SNTG2: variants seen among roughly 807,000 people sequenced by gnomAD.
SNTG2 encodes the protein syntrophin gamma 2.
Under a neutral mutation model 70.9 loss-of-function variants are expected in SNTG2, and 74 were observed. The ratio of observed to expected loss-of-function variants is 1.04; its 90% CI spans 0.86 to 1.27. The LOEUF (loss-of-function observed/expected upper bound fraction) is 1.27. Ranked by LOEUF, SNTG2 falls within the 50% of genes most tolerant of loss-of-function variation. The pLI is 0.00. For missense variants in SNTG2, 717 were observed against 690.7 expected, an observed-to-expected ratio of 1.04 and a Z score of -0.43; for synonymous variants, 278 against 273.8, an observed-to-expected ratio of 1.02 and a Z score of -0.15.
intron 1 of SNTG2, among the ~76,000 whole-genome samples, chr2:1,031,528 A>ATATATATATTTTTTTTTTTTTT: frequency 1.4e-4 from 8 of 59,118 alleles, no homozygotes; most frequent in Non-Finnish European, 2.2e-4. Flanking sequence ...ATATATATAT[A>ATATATATATTTTTTTTTTTTTT]TTTTTTTTTT....
intron 4 of SNTG2, among the ~76,000 whole-genome samples, chr2:1,131,534 T>G (rs939748660): frequency 6.6e-6 from 1 of 152,208 alleles, no homozygotes; most frequent in African/African-American, 2.4e-5. Context: ...TGGGACACAC[T>G]ATTCATTTCC....
chr2:1,312,086 A>G lies in SNTG2; in HGVS notation c.1377+3500A>G, dbSNP rs931166336. Among the ~76,000 whole-genome samples, 3 of 152,120 alleles carry G rather than the reference A, an allele frequency of 2.0e-5. 1 individual carries two copies. Among genetic ancestry groups the G allele is most frequent in the Admixed American group, 1.3e-4 (2 of 15,282 alleles). ...TGAATCCATTCACCATCAACTATCT[A>G]TTTTCAATGTTGAGAAAGGAGGTAA... On this transcript the variant is annotated intron_variant, in intron 15 of 16. Coordinates refer to ENST00000308624, the MANE Select transcript of SNTG2 (RefSeq NM_018968.4).
chr2:1,134,672 TC>T (rs1335592627), intron 4 of SNTG2, among the ~76,000 whole-genome samples: 1 of 152,154 alleles, frequency 6.6e-6, no homozygotes, highest in Non-Finnish European at 1.5e-5. Context: ...ACCCAGTGGA[TC>T]CCCCACCGGG....
intron 12 of SNTG2, among the ~76,000 whole-genome samples, chr2:1,250,363 C>A (rs10171436): frequency 0.33 from 49,909 of 151,976 alleles, 9,699 homozygotes; most frequent in African/African-American, 0.55. Context: ...CTCCCTCCAT[C>A]TCTCTCCCTG....
At chr2:1,175,790 G>A (rs973007995) in intron 8 of SNTG2, among the ~76,000 whole-genome samples, 1 of 152,164 alleles carries the variant, frequency 6.6e-6, no homozygotes, top group Non-Finnish European at 1.5e-5. Flanking sequence ...CTTGTTGAGT[G>A]GACTCTAAAC....
At chr2:958,148 C>G (rs1660234163) in intron 1 of SNTG2, among the ~76,000 whole-genome samples, 1 of 152,056 alleles carries the variant, frequency 6.6e-6, no homozygotes, top group African/African-American at 2.4e-5. Context: ...GAGGTGTGGT[C>G]CGCATGGTGG....
intron 14 of SNTG2, among the ~76,000 whole-genome samples, chr2:1,293,332 G>GT (rs1680067524): frequency 6.6e-6 from 1 of 151,494 alleles, no homozygotes; most frequent in South Asian, 2.1e-4. Flanking sequence ...TTTCTATATT[G>GT]TTTTTCTATT....
chr2:1,272,238 C>T (rs1226887019), intron 14 of SNTG2, among the ~76,000 whole-genome samples: 1 of 151,580 alleles, frequency 6.6e-6, no homozygotes, highest in Non-Finnish European at 1.5e-5. Context: ...CTAGACGGTC[C>T]CATCTGGGGG....
chr2:1,224,185 C>T (rs1363271905), intron 9 of SNTG2, among the ~76,000 whole-genome samples: 1 of 152,184 alleles, frequency 6.6e-6, no homozygotes, highest in East Asian at 1.9e-4. Context: ...ACACGACTGC[C>T]TCGGGGGCTA....
intron 6 of SNTG2, among the ~76,000 whole-genome samples, chr2:1,155,169 A>ACCC (rs139002182): frequency 1.7e-4 from 1 of 5,772 alleles, no homozygotes; most frequent in African/African-American, 3.3e-4. Flanking sequence ...ACACACGTAG[A>ACCC]CCCCCCCCCC....
intron 1 of SNTG2, among the ~76,000 whole-genome samples, chr2:1,044,524 G>C (rs1661617739): frequency 6.6e-6 from 1 of 152,116 alleles, no homozygotes; most frequent in Non-Finnish European, 1.5e-5. Context: ...TTGGCTGTGG[G>C]TTTGTCATAG....
At chr2:1,285,003 A>C (rs1373862354) in intron 14 of SNTG2, among the ~76,000 whole-genome samples, 1 of 151,882 alleles carries the variant, frequency 6.6e-6, no homozygotes, top group African/African-American at 2.4e-5. Flanking sequence ...GAGTTTATTA[A>C]CTCACACGAT....
At chr2:1,241,107 C>G (rs1477688948) in intron 11 of SNTG2, among the ~76,000 whole-genome samples, 1 of 152,200 alleles carries the variant, frequency 6.6e-6, no homozygotes, top group Admixed American at 6.5e-5. Context: ...CTTATTCACA[C>G]ACGCAAAATT....
In SNTG2 at chr2:1,159,024, A is replaced by G. The variant is rs183336250; in HGVS notation, c.412-6524A>G. 8.4e-4 allele frequency among the ~76,000 whole-genome samples: 128 copies of G among 151,986 alleles called. 1 individual carries two copies. Among genetic ancestry groups the G allele is most frequent in the Non-Finnish European group, 4.4e-5 (3 of 67,974 alleles). Reference sequence around the variant, plus strand: ...TGTGGATGTCCGTGTGTGTGTCCATATGTGTGCATGTGTGTGCATGTATGT... The same window carrying G: ...TGTGGATGTCCGTGTGTGTGTCCATGTGTGTGCATGTGTGTGCATGTATGT... On this transcript the variant is annotated intron_variant, in intron 6 of 16. Transcript: ENST00000308624.
At chr2:1,217,614 G>A (rs545117256) in intron 9 of SNTG2, among the ~76,000 whole-genome samples, 6 of 152,258 alleles carry the variant, frequency 3.9e-5, no homozygotes, top group South Asian at 4.1e-4. Flanking sequence ...ATAACCATGC[G>A]ATCCTGACTA....
rs540290090 is a variant in SNTG2, at chr2:1,265,036, C to T, written c.1078-2329C>T. On this transcript the variant is annotated intron_variant, in intron 13 of 16. Coordinates refer to ENST00000308624, the MANE Select transcript of SNTG2 (RefSeq NM_018968.4). ...TTCAACTGCGTGAGAGTTGGCGCCC[C>T]TAACCCCTGGGTTGTTCAAGGCCCA... Among the ~76,000 whole-genome samples the T allele has an allele frequency of 3.9e-5, 6 of 152,336 alleles. No homozygotes were observed. The East Asian group carries it at 9.6e-4, about 24-fold the overall frequency.
chr2:1,256,082 G>C (rs1678102661), intron 12 of SNTG2, among the ~76,000 whole-genome samples: 1 of 151,356 alleles, frequency 6.6e-6, no homozygotes, highest in South Asian at 2.1e-4. Context: ...CAGAAACCTA[G>C]ATGGGCTGTA....
chr2:1,115,980 A>G (rs563911938), intron 4 of SNTG2, among the ~76,000 whole-genome samples: 1 of 152,242 alleles, frequency 6.6e-6, no homozygotes, highest in African/African-American at 2.4e-5. Flanking sequence ...GTGGGGGCCA[A>G]CGGGTTCCTC....
At chr2:1,266,806 A>G (rs892659098) in intron 13 of SNTG2, among the ~76,000 whole-genome samples, 3 of 124,616 alleles carry the variant, frequency 2.4e-5, no homozygotes, top group Non-Finnish European at 3.1e-5. Context: ...GCTGGAGTGC[A>G]TTGGTGGTGT....
Sources: allele counts gnomAD v4.1 joint callset (sites outside exome capture counted in the v4.1 genomes callset), GRCh38; gene constraint gnomAD v4.1.1; transcripts MANE v1.5; gene names NCBI Gene and HGNC (gene_info 2026-07-23, HGNC 2026-07-21).